The following SDHAF3 variants were observed in gnomAD, a reference collection of about 807,000 sequenced individuals.
SDHAF3 encodes succinate dehydrogenase assembly factor 3, mitochondrial.
Under a neutral mutation model 11.5 loss-of-function variants are expected in SDHAF3, and 18 were observed. The ratio of observed to expected loss-of-function variants is 1.56; its 90% confidence interval spans 1.08 to 2.32. The LOEUF (loss-of-function observed/expected upper bound fraction) is 2.32, where lower values mean the gene tolerates loss of function less well. Ranked by LOEUF, SDHAF3 falls within the 30% of genes most tolerant of loss-of-function variation. The pLI, the probability that SDHAF3 is intolerant of heterozygous loss-of-function variation, is 0.00. For synonymous variants in SDHAF3, 72 were observed against 59.3 expected (o/e 1.21, Z -0.99); for missense variants, 200 against 154.4 (o/e 1.30, Z -1.57).
chr7:97,154,488 T>C (rs1389302625), intron 1 of SDHAF3, among the ~76,000 whole-genome samples: 1 of 152,222 alleles, frequency 6.6e-6, no homozygotes, highest in Non-Finnish European at 1.5e-5. Context: ...ATTTTTTTTT[T>C]CCAATTTTGA....
intron 1 of SDHAF3, among the ~76,000 whole-genome samples, chr7:97,127,463 C>G (rs1791593092): frequency 6.6e-6 from 1 of 152,128 alleles, no homozygotes; most frequent in Non-Finnish European, 1.5e-5. Context: ...GGTAGCCATT[C>G]CTTTGTAACT....
intron 1 of SDHAF3, among the ~76,000 whole-genome samples, chr7:97,180,704 A>G (rs769387983): frequency 2.2e-4 from 34 of 152,276 alleles, no homozygotes; most frequent in East Asian, 3.9e-4. Flanking sequence ...TGTAAATACA[A>G]TTTTGCATAT....
intron 1 of SDHAF3, among the ~76,000 whole-genome samples, chr7:97,121,934 T>G (rs781574029): frequency 1.5e-3 from 222 of 150,966 alleles, no homozygotes; most frequent in Middle Eastern, 3.4e-3. Context: ...CTCAGCTTAC[T>G]GCAAACTCCG....
At chr7:97,149,603 C>T (rs139883134) in intron 1 of SDHAF3, among the ~76,000 whole-genome samples, 4 of 152,196 alleles carry the variant, frequency 2.6e-5, no homozygotes, top group African/African-American at 4.8e-5. Flanking sequence ...CTAAGTGTGT[C>T]GTAGCATTGT....
chr7:97,181,210 TTTTAGTCTATACAAC>T lies in SDHAF3; in HGVS notation c.374_*10del. Reference sequence around the variant, plus strand: ...TATTTCTGAGTCTATGAAACCAAAATTTTAGTCTATACAACAAAGCTTAATAAGACATGCAAAAAT... The same window carrying T: ...TATTTCTGAGTCTATGAAACCAAAATAAAGCTTAATAAGACATGCAAAAAT... On this transcript the variant is annotated stop_lost and 3_prime_UTR_variant, in exon 2 of 2. Coordinates refer to ENST00000432641, the MANE Select transcript of SDHAF3 (RefSeq NM_020186.3). The T allele has an allele frequency of 6.2e-7, 1 of 1,611,682 alleles. No individual in the cohort carries two copies. Among genetic ancestry groups the T allele is most frequent in the Non-Finnish European group, 8.5e-7 (1 of 1,179,074 alleles).
rs527399845 is a variant in SDHAF3 at position 97,137,781 on chromosome 7, CTCTT to C, written c.174+19889_174+19892del. Among the ~76,000 whole-genome samples, 32 of 151,186 alleles carry C rather than the reference CTCTT, an allele frequency of 2.1e-4. No individual in the cohort carries two copies. In the South Asian group the frequency reaches 6.7e-3, roughly 32 times the overall value. ...TATGAGTACAAGAGGGAAAGCGTCT[CTCTT>C]TCTTAGCTGTTGAATTTATGATTAT... On this transcript the variant is annotated intron_variant, in intron 1 of 1. Coordinates refer to ENST00000432641, the MANE Select transcript of SDHAF3 (RefSeq NM_020186.3).
intron 1 of SDHAF3, among the ~76,000 whole-genome samples, chr7:97,174,081 GC>G (rs1789645816): frequency 6.6e-6 from 1 of 151,828 alleles, no homozygotes; most frequent in African/African-American, 2.4e-5. Context: ...CACCACACTG[GC>G]TAAGTTTTGT....
intron 1 of SDHAF3, among the ~76,000 whole-genome samples, chr7:97,128,792 C>T (rs77834628): frequency 0.11 from 16,285 of 152,038 alleles, 878 homozygotes; most frequent in Middle Eastern, 0.16. Context: ...CTGTATACAA[C>T]TGAAGTTTTA....
chr7:97,158,806 A>G (rs2115711122), intron 1 of SDHAF3, among the ~76,000 whole-genome samples: 1 of 152,374 alleles, frequency 6.6e-6, no homozygotes, highest in East Asian at 1.9e-4. Context: ...CTAACTTTTT[A>G]GGAACAAACT....
chr7:97,123,844 T>G (rs1443346989), intron 1 of SDHAF3, among the ~76,000 whole-genome samples: 1 of 88,884 alleles, frequency 1.1e-5, no homozygotes, highest in Non-Finnish European at 2.8e-5. Context: ...TTTGGATGGG[T>G]TTTTTTTTTT....
chr7:97,173,613 C>T (rs553357989), intron 1 of SDHAF3, among the ~76,000 whole-genome samples: 3 of 149,868 alleles, frequency 2.0e-5, no homozygotes, highest in Admixed American at 6.7e-5. Flanking sequence ...AGTGCAGTGG[C>T]GCGATCTCGG....
chr7:97,167,217 T>TGTTCTCACGATAGTGA (rs760462996), intron 1 of SDHAF3, among the ~76,000 whole-genome samples: 155 of 152,288 alleles, frequency 1.0e-3, no homozygotes, highest in Non-Finnish European at 1.9e-3. Context: ...TCCCCCTTGC[T>TGTTCTCACGATAGTGA]GTTCTCACGA....
chr7:97,169,870 A>T (rs10256036), intron 1 of SDHAF3, among the ~76,000 whole-genome samples: 113,026 of 152,058 alleles, frequency 0.74, 42,104 homozygotes, highest in Middle Eastern at 0.78. Flanking sequence ...TAGTAAAATA[A>T]TTGGAAGAAT....
chr7:97,179,724 C>G (rs117307428), intron 1 of SDHAF3, among the ~76,000 whole-genome samples: 11 of 152,074 alleles, frequency 7.2e-5, no homozygotes, highest in East Asian at 3.9e-4. Flanking sequence ...CCCTACCCCC[C>G]CTACACACAC....
intron 1 of SDHAF3, among the ~76,000 whole-genome samples, chr7:97,146,848 G>T (rs111715214): frequency 6.7e-6 from 1 of 150,038 alleles, no homozygotes; most frequent in Non-Finnish European, 1.5e-5. Flanking sequence ...GTGCAGTGGC[G>T]CAATCTGGGC....
At chr7:97,140,259 A>C (rs1789009437) in intron 1 of SDHAF3, among the ~76,000 whole-genome samples, 1 of 151,890 alleles carries the variant, frequency 6.6e-6, no homozygotes, top group South Asian at 2.1e-4. Context: ...GGTGCTGTCA[A>C]TTCTTAATTG....
chr7:97,138,062 A>C (rs1788958717), intron 1 of SDHAF3, among the ~76,000 whole-genome samples: 1 of 150,096 alleles, frequency 6.7e-6, no homozygotes, highest in Admixed American at 6.6e-5. Flanking sequence ...AGTAGGTTTC[A>C]CCGCGTTGGC....
intron 1 of SDHAF3, among the ~76,000 whole-genome samples, chr7:97,177,044 GATAT>G (rs1789689351): frequency 6.6e-6 from 1 of 151,738 alleles, no homozygotes; most frequent in African/African-American, 2.4e-5. Context: ...ATTTGTAAAT[GATAT>G]ATATATTTTT....
rs142993132 is a variant in SDHAF3, at chr7:97,157,416, G to T, written c.175-23596G>T. ...GAAATGCAAATCAAAACCACAGTGAGATACCATCTCACACCAGTTAGAATG... is the reference window on the plus strand; with the variant it reads ...GAAATGCAAATCAAAACCACAGTGATATACCATCTCACACCAGTTAGAATG... On this transcript the variant is annotated intron_variant, in intron 1 of 1. Transcript: ENST00000432641. Among the ~76,000 whole-genome samples the T allele has an allele frequency of 1.8e-3, 272 of 152,280 alleles. 4 individuals carry two copies. Among genetic ancestry groups the T allele is most frequent in the Admixed American group, 0.013 (201 of 15,290 alleles).
Sources: gnomAD v4.1 joint callset for allele counts (sites outside exome capture counted in the v4.1 genomes callset) on GRCh38, gnomAD v4.1.1 for gene constraint, MANE v1.5 for transcripts, NCBI Gene and HGNC (gene_info 2026-07-23, HGNC 2026-07-21) for gene names.